ZFP1: variants seen among roughly 807,000 people sequenced by gnomAD.
ZFP1 encodes the protein ZFP1 zinc finger protein, also known as zinc finger protein 1 homolog.
Under a neutral mutation model 38.5 loss-of-function variants are expected in ZFP1, and 32 were observed. The observed-to-expected ratio is 0.83, with a 90% confidence interval of 0.63 to 1.12. The LOEUF (loss-of-function observed/expected upper bound fraction) is 1.12. Among genes scored for constraint, ZFP1 ranks in the 50% most tolerant of loss-of-function variants. The pLI is 0.00. For missense variants in ZFP1, 616 were observed against 480.8 expected (o/e 1.28, Z -2.63); for synonymous variants, 245 against 168.8 (o/e 1.45, Z -3.50).
rs1006469353 is a variant in ZFP1 at position 75,171,828 on chromosome 16, G to A, written c.*1494G>A. 3 of 152,132 alleles carry A rather than the reference G, an allele frequency of 2.0e-5. No homozygotes were observed. The highest frequency in any genetic ancestry group is 7.2e-5 in the African/African-American group (3 of 41,426). 9.4% of individuals were successfully genotyped at this position (152,132 alleles called of 1,614,324 possible). On this transcript the variant is annotated 3_prime_UTR_variant, in exon 4 of 4. Transcript: ENST00000570010. The stretch of plus-strand genomic sequence containing the variant: ...GTCATCTTACTTACTCACAAAGGAG[G>A]GGAAAACGTTATTTTCATAGCTGCT...
At chr16:75,146,486 A>C (rs1038409472), upstream of ZFP1, among the ~76,000 whole-genome samples, 1 of 152,126 alleles carries the variant, frequency 6.6e-6, no homozygotes, top group Admixed American at 6.6e-5. Context: ...CGATTTACCC[A>C]AATGAACTGG....
the ZFP1 span, among the ~76,000 whole-genome samples, chr16:75,129,744 G>A: frequency 2.6e-5 from 4 of 152,156 alleles, no homozygotes; most frequent in Non-Finnish European, 5.9e-5. Context: ...ACCTCCTGAG[G>A]CTGTGTCATG....
upstream of ZFP1, among the ~76,000 whole-genome samples, chr16:75,147,896 A>G (rs553975854): frequency 1.1e-3 from 171 of 152,332 alleles, 1 homozygote; most frequent in African/African-American, 4.0e-3. Context: ...ATTTGCTAAG[A>G]AGATAGATCT....
At position 75,170,180 on chromosome 16, in the gene ZFP1, G is replaced by A. The variant is rs1422048450; in HGVS notation, c.1070G>A (p.Cys357Tyr). ...GAGAAACCCTATGAATGTACTGAGT[G>A]CGGCAAAACTTTCAGCCAGAGGTCA... ...TGEKPYECTE[C>Y]GKTFSQRSTL... The change falls in exon 4 of 4, where the codon TGC becomes TAC. Residue 357 changes from cysteine (C) to tyrosine (Y), a missense_variant. Physicochemically the swap from Cys to Tyr is radical, Grantham distance 194. Coordinates refer to ENST00000570010, the MANE Select transcript of ZFP1 (RefSeq NM_153688.4). 1.2e-6 allele frequency: 2 copies of A among 1,614,160 alleles called. No individual in the cohort carries two copies. The highest frequency in any genetic ancestry group is 1.7e-6 in the Non-Finnish European group (2 of 1,180,018).
intron 2 of ZFP1, among the ~76,000 whole-genome samples, chr16:75,159,237 TCCTTC>T (rs1234813847): frequency 1.1e-4 from 17 of 150,492 alleles, no homozygotes; most frequent in Non-Finnish European, 1.8e-4. Context: ...ATTCCTTCCT[TCCTTC>T]CCTTCCCTTC....
At chr16:75,160,389 TCCCATCTGTACTAAAC>T (rs970842657) in intron 2 of ZFP1, among the ~76,000 whole-genome samples, 18 of 151,968 alleles carry the variant, frequency 1.2e-4, no homozygotes, top group African/African-American at 1.9e-4. Context: ...TCTGTACTAA[TCCCATCTGTACTAAAC>T]CCCATCTGTA....
chr16:75,145,703 C>G (rs1567516960), upstream of ZFP1, among the ~76,000 whole-genome samples: 1 of 152,202 alleles, frequency 6.6e-6, no homozygotes, highest in African/African-American at 2.4e-5. Flanking sequence ...GACAGCAGAA[C>G]TCCAGGGGAC....
intron 2 of ZFP1, among the ~76,000 whole-genome samples, chr16:75,160,283 A>T (rs1474898893): frequency 6.6e-6 from 1 of 152,198 alleles, no homozygotes; most frequent in Non-Finnish European, 1.5e-5. Context: ...CTGTAATCTC[A>T]GCACTTTGAA....
At chr16:75,125,530 G>T in the ZFP1 span, among the ~76,000 whole-genome samples, 24 of 151,890 alleles carry the variant, frequency 1.6e-4, no homozygotes, top group Non-Finnish European at 3.4e-4. Flanking sequence ...CACCATGTTT[G>T]TCAGACTGGT....
the ZFP1 span, among the ~76,000 whole-genome samples, chr16:75,124,376 T>G: frequency 4.0e-4 from 61 of 151,092 alleles, 1 homozygote; most frequent in South Asian, 0.012. Flanking sequence ...GCCAGGCTGG[T>G]CTTGGACTCC....
chr16:75,150,942 G>A (rs1185320927), intron 1 of ZFP1, among the ~76,000 whole-genome samples: 1 of 152,108 alleles, frequency 6.6e-6, no homozygotes, highest in Non-Finnish European at 1.5e-5. Flanking sequence ...GAGTAGCTAG[G>A]ACTGCAGGTG....
chr16:75,124,779 T>G, the ZFP1 span, among the ~76,000 whole-genome samples: 3 of 85,418 alleles, frequency 3.5e-5, no homozygotes, highest in Admixed American at 3.3e-4. Context: ...AGAGCAAGAC[T>G]CCATCTCAAA....
chr16:75,167,873 G>T (rs1434781300), intron 3 of ZFP1, among the ~76,000 whole-genome samples: 1 of 152,154 alleles, frequency 6.6e-6, no homozygotes, highest in South Asian at 2.1e-4. Flanking sequence ...GAGGCGGGCA[G>T]ATCACCTGAG....
the ZFP1 span, among the ~76,000 whole-genome samples, chr16:75,119,772 A>G: frequency 6.6e-6 from 1 of 152,042 alleles, no homozygotes; most frequent in African/African-American, 2.4e-5. Context: ...GGGTTTGATC[A>G]ACTCTATCTG....
chr16:75,120,934 G>A, the ZFP1 span, among the ~76,000 whole-genome samples: 1 of 152,036 alleles, frequency 6.6e-6, no homozygotes, highest in African/African-American at 2.4e-5. Context: ...CTACCCTTGG[G>A]TTTTTAAGGA....
At chr16:75,148,967 G>GGCGC (rs1205848085) in intron 1 of ZFP1, 129 of 151,766 alleles carry the variant, frequency 8.5e-4, no homozygotes, top group Admixed American at 8.2e-3. Context: ...AGCCCCGGCG[G>GGCGC]GCGCGCGCGC....
At chr16:75,148,508 G>A (rs1441412255), upstream of ZFP1, 2 of 152,292 alleles carry the variant, frequency 1.3e-5, no homozygotes, top group Non-Finnish European at 2.9e-5. Flanking sequence ...GCAGTGCTGC[G>A]AGCGCGCCGG....
the ZFP1 span, among the ~76,000 whole-genome samples, chr16:75,121,613 T>C: frequency 6.6e-6 from 1 of 152,200 alleles, no homozygotes; most frequent in Non-Finnish European, 1.5e-5. Flanking sequence ...AGGTTATCAA[T>C]AATCTGAGTG....
At chr16:75,130,972 C>T in the ZFP1 span, among the ~76,000 whole-genome samples, 1 of 152,122 alleles carries the variant, frequency 6.6e-6, no homozygotes, top group African/African-American at 2.4e-5. Flanking sequence ...ACAGATCTGG[C>T]ACCTTTTAGG....
Sources: gnomAD v4.1 joint callset for allele counts (sites outside exome capture counted in the v4.1 genomes callset) on GRCh38, gnomAD v4.1.1 for gene constraint, MANE v1.5 for transcripts, NCBI Gene and HGNC (gene_info 2026-07-23, HGNC 2026-07-21) for gene names.